Variants in SLC41A3 observed in about 807,000 individuals in gnomAD.
SLC41A3 encodes the protein solute carrier family 41 member 3.
Under a neutral mutation model 45.4 loss-of-function variants are expected in SLC41A3, and 44 were observed. That is an observed-to-expected ratio of 0.97 (90% CI 0.76 to 1.25). SLC41A3 has a LOEUF of 1.25. Among genes scored for constraint, SLC41A3 ranks in the 50% most tolerant of loss-of-function variants. SLC41A3 has a pLI of 0.00. For missense variants in SLC41A3, 550 were observed against 600.6 expected (o/e 0.92, Z 0.88); for synonymous variants, 256 against 252.4 (o/e 1.01, Z -0.13).
At chr3:126,019,304 AG>A (rs1399160172) in intron 6 of SLC41A3, among the ~76,000 whole-genome samples, 1 of 152,188 alleles carries the variant, frequency 6.6e-6, no homozygotes, top group Non-Finnish European at 1.5e-5. Context: ...TCTGTTCATG[AG>A]GGCAGAGCCC....
At position 126,026,441 on chromosome 3, in the gene SLC41A3, A is replaced by G. The variant is rs1446147531; in HGVS notation, c.492T>C (p.Ala164=). The G allele has an allele frequency of 2.5e-6, 4 of 1,601,542 alleles. No individual in the cohort carries two copies. The highest frequency in any genetic ancestry group is 2.6e-6 in the Non-Finnish European group (3 of 1,173,998). ...ATVVGLLAAV[A]ALLLGVVSRE... ...GAGACACCACGCCCAACAGCAGCGCAGCCACAGCAGCCAAGAGCCCCACGA... is the reference window on the plus strand; with the variant it reads ...GAGACACCACGCCCAACAGCAGCGCGGCCACAGCAGCCAAGAGCCCCACGA... Residue 164 remains alanine (A), a synonymous_variant, in exon 5 of 11, where the codon GCT becomes GCC. Coordinates refer to ENST00000360370, the MANE Select transcript of SLC41A3 (RefSeq NM_017836.4). The surrounding 1 kb of genome is among the most constrained non-coding windows in gnomAD (Gnocchi z 4.2).
intron 1 of SLC41A3, among the ~76,000 whole-genome samples, chr3:126,072,362 T>TAAA (rs3053149): frequency 1.9e-5 from 2 of 104,720 alleles, no homozygotes; most frequent in Non-Finnish European, 3.9e-5. Flanking sequence ...AAGAGAATTG[T>TAAA]AAAAAAAAAT....
intron 1 of SLC41A3, among the ~76,000 whole-genome samples, chr3:126,101,237 CAGAT>C (rs1443923221): frequency 6.6e-6 from 1 of 152,246 alleles, no homozygotes; most frequent in Non-Finnish European, 1.5e-5. Flanking sequence ...GGAAACCGCA[CAGAT>C]CATTTGCAGC....
At chr3:126,060,463 T>TGCATGCA (rs1944004273) in intron 2 of SLC41A3, among the ~76,000 whole-genome samples, 1 of 44,414 alleles carries the variant, frequency 2.3e-5, no homozygotes, top group Admixed American at 2.4e-4. Flanking sequence ...CACACACACG[T>TGCATGCA]GCATGCACAG....
chr3:126,097,880 G>GT (rs1215483262), intron 1 of SLC41A3, among the ~76,000 whole-genome samples: 2 of 152,150 alleles, frequency 1.3e-5, no homozygotes, highest in Non-Finnish European at 2.9e-5. Context: ...TGGGACCTTG[G>GT]TAAGTGGGAG....
intron 3 of SLC41A3, among the ~76,000 whole-genome samples, chr3:126,048,668 A>C (rs1943122079): frequency 6.6e-6 from 1 of 152,230 alleles, no homozygotes; most frequent in Non-Finnish European, 1.5e-5. Flanking sequence ...TTGCACTAAG[A>C]GTATCTTTGT....
At chr3:126,047,865 G>A (rs901811051) in intron 3 of SLC41A3, among the ~76,000 whole-genome samples, 9 of 152,262 alleles carry the variant, frequency 5.9e-5, no homozygotes, top group African/African-American at 2.2e-4. Context: ...CAAAAGCACA[G>A]GTGACAAAAG....
intron 6 of SLC41A3, among the ~76,000 whole-genome samples, chr3:126,019,954 C>G (rs767793745): frequency 2.0e-5 from 3 of 152,062 alleles, no homozygotes; most frequent in Non-Finnish European, 4.4e-5. Flanking sequence ...TGGCACTGCT[C>G]TAGTAGGGGA....
At chr3:126,099,084 T>C (rs997026801) in intron 1 of SLC41A3, among the ~76,000 whole-genome samples, 1 of 151,972 alleles carries the variant, frequency 6.6e-6, no homozygotes, top group African/African-American at 2.4e-5. Flanking sequence ...ATGTTAAGTA[T>C]GTTTTCTCAT....
chr3:126,073,776 G>A (rs1944744510), intron 1 of SLC41A3, among the ~76,000 whole-genome samples: 1 of 151,992 alleles, frequency 6.6e-6, no homozygotes, highest in African/African-American at 2.4e-5. Context: ...CACTAGAGAA[G>A]TCTACCAAGC....
chr3:126,096,601 C>T (rs1945607875), intron 1 of SLC41A3, among the ~76,000 whole-genome samples: 1 of 152,264 alleles, frequency 6.6e-6, no homozygotes, highest in Non-Finnish European at 1.5e-5. Context: ...CAATCTGTGC[C>T]TTAAGGGCAT....
chr3:126,067,838 CA>C, intron 2 of SLC41A3, 108 bp downstream of exon 2: 1 of 1,412,770 alleles, frequency 7.1e-7, no homozygotes, highest in Non-Finnish European at 9.4e-7. Flanking sequence ...AATGGCTTTT[CA>C]AGAGGACTGC....
In SLC41A3 at chr3:126,067,848, G is replaced by T. The variant is rs1170934701; in HGVS notation, c.273+99C>A. 5 of 1,451,492 alleles carry T rather than the reference G, an allele frequency of 3.4e-6. No homozygotes were observed. In the South Asian group the frequency reaches 4.6e-5, roughly 13 times the overall value. 89.9% of individuals were successfully genotyped at this position (1,451,492 alleles called of 1,614,324 possible). A position where few individuals can be genotyped will look rare whatever the true frequency, so the allele number is the denominator to read the frequency against. On this transcript the variant is annotated intron_variant, in intron 2 of 10. Transcript: ENST00000360370. Reference sequence around the variant, plus strand: ...AAAAAAATGGCTTTTCAAGAGGACTGCCCGACAACCTTTAAGCTCAACCTT... The same window carrying T: ...AAAAAAATGGCTTTTCAAGAGGACTTCCCGACAACCTTTAAGCTCAACCTT...
At chr3:126,074,488 G>A (rs1944780599) in intron 1 of SLC41A3, among the ~76,000 whole-genome samples, 1 of 152,038 alleles carries the variant, frequency 6.6e-6, no homozygotes, top group Admixed American at 6.5e-5. Flanking sequence ...TGAAAAGGAA[G>A]AAGTAAAATT....
chr3:126,097,243 C>CAAGAA (rs1355271276), intron 1 of SLC41A3, among the ~76,000 whole-genome samples: 1 of 152,158 alleles, frequency 6.6e-6, no homozygotes, highest in East Asian at 1.9e-4. Context: ...AGGCTTTCTT[C>CAAGAA]CTTTTTCCAG....
intron 2 of SLC41A3, among the ~76,000 whole-genome samples, chr3:126,057,367 A>G (rs1047547081): frequency 1.1e-4 from 17 of 152,174 alleles, no homozygotes; most frequent in Non-Finnish European, 2.2e-4. Context: ...TCACCCAGAG[A>G]AGGAGAAGGG....
At chr3:126,050,258 C>T (rs1576309217) in intron 3 of SLC41A3, among the ~76,000 whole-genome samples, 1 of 152,314 alleles carries the variant, frequency 6.6e-6, no homozygotes, top group African/African-American at 2.4e-5. Context: ...TCTATAGCTA[C>T]GTTGCTGTCC....
intron 2 of SLC41A3, among the ~76,000 whole-genome samples, chr3:126,064,015 C>T (rs907718144): frequency 5.3e-5 from 8 of 150,462 alleles, no homozygotes; most frequent in African/African-American, 2.0e-4. Context: ...CCTTCCTGGA[C>T]AAGAGCACCA....
chr3:126,051,469 C>T (rs1943333602), intron 2 of SLC41A3, among the ~76,000 whole-genome samples: 2 of 152,308 alleles, frequency 1.3e-5, no homozygotes, highest in Middle Eastern at 3.4e-3. Context: ...GATCTTCACA[C>T]AGGCCATGCA....
Sources: allele counts gnomAD v4.1 joint callset (sites outside exome capture counted in the v4.1 genomes callset), GRCh38; gene constraint gnomAD v4.1.1; non-coding constraint Gnocchi (gnomAD v3.1); transcripts MANE v1.5; gene names NCBI Gene and HGNC (gene_info 2026-07-23, HGNC 2026-07-21).